Variants in ASPM observed in about 807,000 individuals in gnomAD.
ASPM encodes abnormal spindle-like microcephaly-associated protein.
Under a neutral mutation model 366.4 loss-of-function variants are expected in ASPM, and 256 were observed. The ratio of observed to expected loss-of-function variants is 0.70; its 90% CI spans 0.63 to 0.77. The LOEUF (loss-of-function observed/expected upper bound fraction) is 0.77, where lower values mean the gene tolerates loss of function less well. Ranked by LOEUF, ASPM falls within the 30% of genes least tolerant of loss-of-function variation. The pLI is 0.00. For missense variants in ASPM, 4,146 were observed against 4,090.4 expected (o/e 1.01, Z -0.37); for synonymous variants, 1,414 against 1,342.9 (o/e 1.05, Z -1.16).
At chr1:197,105,275 C>T (rs1186153118) in intron 17 of ASPM, 90 bp from the exon 18 acceptor site, 2 of 1,020,394 alleles carry the variant, frequency 2.0e-6, no homozygotes, top group African/African-American at 1.6e-5. Flanking sequence ...TAACATTCTG[C>T]TTAAAAATAA....
At position 197,101,603 on chromosome 1, in the gene ASPM, A is replaced by G. The variant is rs1657186033; in HGVS notation, c.7648T>C (p.Leu2550=). 3 of 1,610,662 alleles carry G rather than the reference A, an allele frequency of 1.9e-6. No individual in the cohort carries two copies. The highest frequency in any genetic ancestry group is 1.7e-6 in the Non-Finnish European group (2 of 1,178,918). ...AYKGMKARQL[L]REKHKASIVI... ...ATAGAAGCTTTGTGTTTTTCCCTTAAAAGTTGTCTTGCTTTCATTCCTTTA... is the reference window on the plus strand; with the variant it reads ...ATAGAAGCTTTGTGTTTTTCCCTTAGAAGTTGTCTTGCTTTCATTCCTTTA... The change falls in exon 18 of 28, where the codon TTA becomes CTA. Residue 2550 remains leucine (L), a synonymous_variant. Transcript: ENST00000367409.
rs181445676 is a variant in ASPM, at chr1:197,100,823, C to G, written c.8428G>C (p.Glu2810Gln). Residue 2810 changes from glutamate to glutamine, a missense_variant, in exon 18 of 28, where the codon GAG becomes CAG. Transcript: ENST00000367409. ...ASGLACSQEA[E>Q]YHSQSRAAVT... Reference sequence around the variant, plus strand: ...GCAGCCCTACTTTGAGAATGATACTCTGCTTCCTGTGAACAAGCAAGGCCA... The same window carrying G: ...GCAGCCCTACTTTGAGAATGATACTGTGCTTCCTGTGAACAAGCAAGGCCA... The G allele has an allele frequency of 1.2e-6, 2 of 1,612,638 alleles. No homozygotes were observed. Among genetic ancestry groups the G allele is most frequent in the South Asian group, 2.2e-5 (2 of 91,060 alleles).
rs1304014826 is a variant in ASPM at position 197,142,552 on chromosome 1, G to A, written c.1700C>T (p.Thr567Ile). ...SYKNEVTPSS[T>I]TASVARKRKS... is the part of the protein sequence containing the mutation. Reference sequence around the variant, plus strand: ...TCTTTTCCGAGCAACTGAAGCTGTTGTCGAAGAGGGTGTTACCTCGTTTTT... The same window carrying A: ...TCTTTTCCGAGCAACTGAAGCTGTTATCGAAGAGGGTGTTACCTCGTTTTT... Residue 567 changes from threonine to isoleucine, a missense_variant, in exon 3 of 28, where the codon ACA (threonine) becomes ATA (isoleucine). By Grantham distance (89) the Thr-to-Ile change is moderately conservative. This residue lies in a region of ASPM where 3,624 missense variants were observed against 3,591.7 expected (regional missense o/e 1.01). Transcript: ENST00000367409. 8 of 1,613,834 alleles carry A rather than the reference G, an allele frequency of 5.0e-6. No individual in the cohort carries two copies. The highest frequency in any genetic ancestry group is 1.3e-5 in the African/African-American group (1 of 74,926).
chr1:197,094,310 G>A, intron 19 of ASPM, 130 bp from the exon 20 acceptor site: 2 of 634,388 alleles, frequency 3.2e-6, no homozygotes, highest in East Asian at 2.8e-5. Flanking sequence ...ATTTTAAAAA[G>A]TGGGCAAGTA....
intron 10 of ASPM, 101 bp downstream of exon 10, chr1:197,128,389 T>C (rs1658153785): frequency 8.0e-7 from 1 of 1,246,776 alleles, no homozygotes; most frequent in Non-Finnish European, 1.2e-6. Context: ...AAATTTATTG[T>C]ACTACTTGAA....
chr1:197,118,021 C>T (rs1198453659), intron 16 of ASPM, 38 bp from the exon 17 acceptor site: 2 of 1,540,780 alleles, frequency 1.3e-6, no homozygotes, highest in South Asian at 1.1e-5. Flanking sequence ...ATTAAACACT[C>T]ACTTAAGACC....
At chr1:197,110,182 C>T (rs758550715) in intron 17 of ASPM, among the ~76,000 whole-genome samples, 3 of 151,990 alleles carry the variant, frequency 2.0e-5, no homozygotes, top group Non-Finnish European at 4.4e-5. Context: ...TACTATAAAG[C>T]TGCAGTAATC....
At position 197,124,928 on chromosome 1, in the gene ASPM, A is replaced by G; in HGVS notation, c.3110T>C (p.Val1037Ala). Reference sequence around the variant, plus strand: ...GAGAGTTTTTTCTCTGTGCCTATCCACAATATCCTTAGATAGAATTGTATT... The same window carrying G: ...GAGAGTTTTTTCTCTGTGCCTATCCGCAATATCCTTAGATAGAATTGTATT... ...HGNTILSKDI[V>A]DRHREKTLRL... Residue 1037 changes from valine (V) to alanine (A), a missense_variant, in exon 12 of 28, where the codon GTG becomes GCG. Val to Ala is a moderately conservative substitution (Grantham distance 64). Around this residue, in one of 3 missense-constraint regions of ASPM, gnomAD observed 3,624 missense variants for 3,591.7 expected, o/e 1.01. Transcript: ENST00000367409. 1.2e-6 allele frequency: 2 copies of G among 1,612,586 alleles called. No individual in the cohort carries two copies. The highest frequency in any genetic ancestry group is 1.7e-6 in the Non-Finnish European group (2 of 1,178,640).
intron 25 of ASPM, among the ~76,000 whole-genome samples, chr1:197,089,678 AC>A (rs1169958383): frequency 1.3e-5 from 2 of 152,010 alleles, no homozygotes; most frequent in East Asian, 3.8e-4. Flanking sequence ...GTACTTAATA[AC>A]TTTTAATCAT....
chr1:197,130,174 C>CCATGTCATTTAGA, intron 7 of ASPM, 118 bp from the exon 8 acceptor site: 1 of 1,069,502 alleles, frequency 9.4e-7, no homozygotes, highest in Non-Finnish European at 1.4e-6. Context: ...TTCTAAATGA[C>CCATGTCATTTAGA]ATGGTTATTT....
At chr1:197,115,926 G>T (rs776709677) in intron 17 of ASPM, among the ~76,000 whole-genome samples, 14 of 152,126 alleles carry the variant, frequency 9.2e-5, no homozygotes, top group Non-Finnish European at 2.1e-4. Flanking sequence ...AGTTGCATTA[G>T]CCCCTAATAA....
chr1:197,123,451 GAATT>G (rs1210217637), intron 13 of ASPM, among the ~76,000 whole-genome samples: 2 of 151,974 alleles, frequency 1.3e-5, no homozygotes, highest in East Asian at 3.9e-4. Context: ...TCCAAATATG[GAATT>G]AATTAATACC....
rs776590675 is a variant in ASPM, at chr1:197,093,280, A to G, written c.9085-19T>C. On this transcript the variant is annotated intron_variant, in intron 20 of 27. Coordinates refer to ENST00000367409, the MANE Select transcript of ASPM (RefSeq NM_018136.5). ...GATGTCTCTATAAGGAAAAATTTAC[A>G]AGTAACATTAATGGGTAGAAAGAAA... The G allele has an allele frequency of 6.7e-5, 106 of 1,589,444 alleles. No homozygotes were observed. The highest frequency in any genetic ancestry group is 9.1e-5 in the Non-Finnish European group (105 of 1,159,954).
intron 19 of ASPM, among the ~76,000 whole-genome samples, chr1:197,094,610 G>A (rs1172342881): frequency 6.6e-6 from 1 of 151,604 alleles, no homozygotes; most frequent in Non-Finnish European, 1.5e-5. Context: ...AGCAGCATCA[G>A]GTACTTCCTT....
intron 18 of ASPM, among the ~76,000 whole-genome samples, chr1:197,100,212 T>C (rs1322604346): frequency 6.6e-6 from 1 of 151,648 alleles, no homozygotes; most frequent in East Asian, 1.9e-4. Context: ...GCACCACACA[T>C]AGGGTGACCA....
chr1:197,124,772 G>T, intron 12 of ASPM, 98 bp downstream of exon 12: 1 of 970,892 alleles, frequency 1.0e-6, no homozygotes, highest in Non-Finnish European at 1.7e-6. Context: ...CTTATTAAAT[G>T]ATGGTTGTTG....
At chr1:197,146,026 C>T in intron 1 of ASPM, 115 bp downstream of exon 1, 1 of 1,351,554 alleles carries the variant, frequency 7.4e-7, no homozygotes, top group Non-Finnish European at 1.1e-6. Context: ...TGACTTTATT[C>T]TCTAAGGGTC....
At chr1:197,108,813 A>G (rs966334917) in intron 17 of ASPM, among the ~76,000 whole-genome samples, 1 of 151,838 alleles carries the variant, frequency 6.6e-6, no homozygotes, top group Admixed American at 6.6e-5. Flanking sequence ...TCCACAAAAA[A>G]TACAAAAATT....
At chr1:197,088,497 A>C in intron 25 of ASPM, 65 bp from the exon 26 acceptor site, 1 of 1,463,874 alleles carries the variant, frequency 6.8e-7, no homozygotes, top group Non-Finnish European at 9.3e-7. Context: ...CAACCCAACC[A>C]AAAAAACAAA....
Sources: gnomAD v4.1 joint callset for allele counts (sites outside exome capture counted in the v4.1 genomes callset) on GRCh38, gnomAD v4.1.1 for gene constraint, gnomAD v4.1.1 regional missense constraint, MANE v1.5 for transcripts, NCBI Gene and HGNC (gene_info 2026-07-23, HGNC 2026-07-21) for gene names.